The following ANXA10 variants were observed in gnomAD, a reference collection of about 807,000 sequenced individuals.
ANXA10 encodes annexin A10, also known as annexin 14.
In ANXA10, 49 loss-of-function variants were observed where a neutral mutation model predicts 53.5. The ratio of observed to expected loss-of-function variants is 0.92; its 90% CI spans 0.73 to 1.16. ANXA10 has a LOEUF of 1.16. ANXA10 is among the 50% of genes most tolerant of loss of function. ANXA10 has a pLI of 0.00. For missense variants in ANXA10, 393 were observed against 394.4 expected, an observed-to-expected ratio of 1.00 and a Z score of 0.03; for synonymous variants, 131 against 128.9, an observed-to-expected ratio of 1.02 and a Z score of -0.11.
rs1295336986 is a variant in ANXA10 at position 168,155,748 on chromosome 4, ATATAT to A, written c.196-6774_196-6770del. Among the ~76,000 whole-genome samples the A allele has an allele frequency of 1.1e-4, 6 of 53,590 alleles. No individual in the cohort carries two copies. In the Admixed American group the frequency reaches 1.8e-3, roughly 16 times the overall value. 35.2% of individuals were successfully genotyped at this position (53,590 alleles called of 152,430 possible). A position where few individuals can be genotyped will look rare whatever the true frequency, so the allele number is the denominator to read the frequency against. ...TATAATATATGATATATCATATATT[ATATAT>A]TATATAATATATGATATATCATATA... On this transcript the variant is annotated intron_variant, in intron 3 of 11. Transcript: ENST00000359299.
chr4:168,136,537 T>C (rs1731240058), intron 2 of ANXA10, among the ~76,000 whole-genome samples: 2 of 152,232 alleles, frequency 1.3e-5, no homozygotes, highest in Non-Finnish European at 2.9e-5. Flanking sequence ...AGGGCAGTCA[T>C]TGAATCTTAA....
At position 168,165,311 on chromosome 4, in the gene ANXA10, C is replaced by G. The variant is rs780641657; in HGVS notation, c.465C>G (p.Leu155=). Residue 155 remains leucine, a synonymous_variant, in exon 6 of 12, where the codon CTC becomes CTG. Transcript: ENST00000359299. ...SETSGHFRDT[L]MNLVQGTREE... Reference sequence around the variant, plus strand: ...CCTCAGGACACTTCAGAGATACTCTCATGAACTTGGTCCAGGTATGGCATT... The same window carrying G: ...CCTCAGGACACTTCAGAGATACTCTGATGAACTTGGTCCAGGTATGGCATT... 3 of 1,578,050 alleles carry G rather than the reference C, an allele frequency of 1.9e-6. No individual in the cohort carries two copies. Among genetic ancestry groups the G allele is most frequent in the African/African-American group, 2.7e-5 (2 of 73,732 alleles).
intron 1 of ANXA10, among the ~76,000 whole-genome samples, chr4:168,097,079 T>A (rs528757168): frequency 1.3e-5 from 2 of 151,928 alleles, no homozygotes; most frequent in African/African-American, 4.8e-5. Flanking sequence ...TGTTTATTTA[T>A]AAGTAGATTG....
chr4:168,178,156 T>G (rs1578937838), intron 8 of ANXA10, 173 bp downstream of exon 8: 1 of 589,604 alleles, frequency 1.7e-6, no homozygotes, highest in Non-Finnish European at 3.0e-6. Flanking sequence ...ATGACATTAC[T>G]AAGGAATAAA....
At chr4:168,122,344 T>C (rs1433250754) in intron 1 of ANXA10, among the ~76,000 whole-genome samples, 1 of 152,212 alleles carries the variant, frequency 6.6e-6, no homozygotes, top group African/African-American at 2.4e-5. Context: ...TAGTTACCTC[T>C]TCCTGGATTG....
intron 1 of ANXA10, among the ~76,000 whole-genome samples, chr4:168,098,691 C>A (rs1730592217): frequency 6.6e-6 from 1 of 151,972 alleles, no homozygotes. Context: ...TTTTTCCTTG[C>A]CAGCATCACA....
At chr4:168,153,933 ATTTC>A (rs897933867) in intron 3 of ANXA10, among the ~76,000 whole-genome samples, 1 of 151,396 alleles carries the variant, frequency 6.6e-6, no homozygotes, top group Non-Finnish European at 1.5e-5. Context: ...AAATTATATT[ATTTC>A]TTTTTTTTTT....
chr4:168,184,870 C>T lies in ANXA10; in HGVS notation c.906+189C>T, dbSNP rs565155762. 8.5e-5 allele frequency among the ~76,000 whole-genome samples: 13 copies of T among 152,238 alleles called. No homozygotes were observed. The East Asian group carries it at 1.9e-3, about 23-fold the overall frequency. ...GGTGCTAACTTAGAAAACCCTTTAC[C>T]TCAGCTGGGCGTGGTGGCTAATGCC... On this transcript the variant is annotated intron_variant, in intron 11 of 11. Transcript: ENST00000359299.
At chr4:168,104,657 G>A (rs1730690752) in intron 1 of ANXA10, among the ~76,000 whole-genome samples, 1 of 151,692 alleles carries the variant, frequency 6.6e-6, no homozygotes, top group Admixed American at 6.6e-5. Flanking sequence ...AATATATATG[G>A]GCATTGAATC....
intron 1 of ANXA10, among the ~76,000 whole-genome samples, chr4:168,096,910 G>GCATATATATATATATATATATATATATA (rs1730554221): frequency 3.6e-5 from 1 of 28,042 alleles, no homozygotes; most frequent in Admixed American, 3.3e-4. Context: ...TAATACAAAT[G>GCATATATATATATATATATATATATATA]CATATATATA....
chr4:168,151,346 C>T (rs974538500), intron 3 of ANXA10, among the ~76,000 whole-genome samples: 1 of 152,068 alleles, frequency 6.6e-6, no homozygotes, highest in Non-Finnish European at 1.5e-5. Context: ...TTTCTTGCCC[C>T]TGTTTATCCA....
At chr4:168,142,350 C>G (rs1342464800) in intron 3 of ANXA10, among the ~76,000 whole-genome samples, 1 of 152,146 alleles carries the variant, frequency 6.6e-6, no homozygotes, top group Non-Finnish European at 1.5e-5. Context: ...CACCTGCAGT[C>G]AAATAGAACT....
In ANXA10 at chr4:168,184,648, G is replaced by C. The variant is rs1452165990; in HGVS notation, c.873G>C (p.Glu291Asp). The change falls in exon 11 of 12, where the codon GAG (glutamate) becomes GAC (aspartate). Residue 291 changes from glutamate to aspartate, a missense_variant. By Grantham distance (45) the Glu-to-Asp change is conservative. Coordinates refer to ENST00000359299, the MANE Select transcript of ANXA10 (RefSeq NM_007193.5). ...DLLTIRKRYK[E>D]RYGKSLFHDI... ...TGACCATAAGGAAACGATACAAAGAGCGATATGGAAAATCCCTATTTCATG... is the reference window on the plus strand; with the variant it reads ...TGACCATAAGGAAACGATACAAAGACCGATATGGAAAATCCCTATTTCATG... The C allele has an allele frequency of 6.2e-7, 1 of 1,613,966 alleles. No homozygotes were observed. Among genetic ancestry groups the C allele is most frequent in the African/African-American group, 1.3e-5 (1 of 74,924 alleles).
chr4:168,185,785 CGTT>C (rs1368555754), intron 11 of ANXA10, among the ~76,000 whole-genome samples: 9 of 152,172 alleles, frequency 5.9e-5, no homozygotes, highest in Non-Finnish European at 1.0e-4. Context: ...ACCTTGTTCA[CGTT>C]GTTTTCATCT....
At chr4:168,156,183 T>TTATATATTATATATTATATATTA (rs1553957750) in intron 3 of ANXA10, among the ~76,000 whole-genome samples, 1 of 45,196 alleles carries the variant, frequency 2.2e-5, no homozygotes, top group African/African-American at 1.0e-4. Flanking sequence ...ATATTATATA[T>TTATATATTATATATTATATATTA]TATATATTAT....
intron 1 of ANXA10, among the ~76,000 whole-genome samples, chr4:168,106,348 A>G (rs769206196): frequency 6.6e-6 from 1 of 152,112 alleles, no homozygotes; most frequent in Non-Finnish European, 1.5e-5. Flanking sequence ...GTGGACCTGT[A>G]AAAATCTTAA....
Position 168,128,317 on chromosome 4 carries a change from T to A in ANXA10, c.100+152T>A, listed in dbSNP as rs75997648. ...AAAAAAACTGAGCAAAGAAGTAGAA[T>A]GAGAAGAAAAATAATATAAAAAGAC... On this transcript the variant is annotated intron_variant, in intron 2 of 11. Coordinates refer to ENST00000359299, the MANE Select transcript of ANXA10 (RefSeq NM_007193.5). 4.4e-3 allele frequency: 2,337 copies of A among 525,478 alleles called. 35 individuals are homozygous for A. Among genetic ancestry groups the A allele is most frequent in the African/African-American group, 0.042 (2,083 of 49,138 alleles). The allele number at this position is 525,478 out of a possible 1,614,324, so 32.6% of individuals were successfully genotyped here.
chr4:168,154,253 A>G (rs1731562257), intron 3 of ANXA10, among the ~76,000 whole-genome samples: 1 of 152,070 alleles, frequency 6.6e-6, no homozygotes, highest in Admixed American at 6.6e-5. Context: ...TCCTTTACCA[A>G]GTTTTTCTTT....
chr4:168,101,333 A>C (rs1241256582), intron 1 of ANXA10, among the ~76,000 whole-genome samples: 1 of 151,978 alleles, frequency 6.6e-6, no homozygotes, highest in Non-Finnish European at 1.5e-5. Flanking sequence ...CTGTGGGTCA[A>C]TTAGACCTCT....
Sources: gnomAD v4.1 joint callset for allele counts (sites outside exome capture counted in the v4.1 genomes callset) on GRCh38, gnomAD v4.1.1 for gene constraint, MANE v1.5 for transcripts, NCBI Gene and HGNC (gene_info 2026-07-23, HGNC 2026-07-21) for gene names.